The following BCORL1 variants were observed in gnomAD, a reference collection of about 807,000 sequenced individuals.
The protein encoded by BCORL1 is BCL6 corepressor like 1.
Under a neutral mutation model 87.6 loss-of-function variants are expected in BCORL1, and 7 were observed. The observed-to-expected ratio is 0.08, with a 90% CI of 0.05 to 0.15. The LOEUF (loss-of-function observed/expected upper bound fraction) is 0.15. BCORL1 is among the 10% of genes least tolerant of loss of function. The probability of loss-of-function intolerance (pLI) is 1.00; values close to 1 mark genes in which losing one functional copy is unlikely to be tolerated. For missense variants in BCORL1, 1,215 were observed against 1,499.7 expected, an observed-to-expected ratio of 0.81 and a Z score of 3.13; for synonymous variants, 591 against 634.4, an observed-to-expected ratio of 0.93 and a Z score of 1.03.
chrX:130,024,969 C>T, intron 6 of BCORL1, 21 bp from the exon 7 acceptor site: 1 of 1,203,503 alleles, frequency 8.3e-7, no homozygotes, highest in East Asian at 3.0e-5. Flanking sequence ...CCTGACCATC[C>T]TCTGTACATC....
chrX:130,025,070 G>A lies in BCORL1; in HGVS notation c.3769G>A (p.Glu1257Lys). The change falls in exon 7 of 14, where the codon GAG (glutamate) becomes AAG (lysine). Residue 1257 changes from glutamate (E) to lysine (K), a missense_variant. Glu to Lys is a moderately conservative substitution (Grantham distance 56). Coordinates refer to ENST00000540052, the MANE Select transcript of BCORL1 (RefSeq NM_001379451.1). ...QEVFPTEEEEEVTPTPAKRRK... is the reference protein window; with the variant it reads ...QEVFPTEEEEKVTPTPAKRRK... ...AGTCTTCCCCACAGAAGAAGAAGAG[G>A]AGGTAACCCCCACCCCAGCTAAGCG... The A allele has an allele frequency of 3.3e-6, 4 of 1,212,023 alleles. No individual in the cohort carries two copies. Among genetic ancestry groups the A allele is most frequent in the East Asian group, 5.9e-5 (2 of 33,863 alleles).
At chrX:129,985,348 T>TGGTA (rs1210258942) in intron 1 of BCORL1, among the ~76,000 whole-genome samples, 1 of 111,667 alleles carries the variant, frequency 9.0e-6, no homozygotes, top group Non-Finnish European at 1.9e-5. Context: ...TTGGGGAAGA[T>TGGTA]GGTAGATGGC....
chrX:130,044,540 G>A (rs1397950927), intron 11 of BCORL1, among the ~76,000 whole-genome samples: 1 of 107,955 alleles, frequency 9.3e-6, no homozygotes, highest in African/African-American at 3.4e-5. Context: ...ATGGAGTCTC[G>A]ATCTTGTCGC....
intron 4 of BCORL1, among the ~76,000 whole-genome samples, chrX:130,020,037 C>T (rs1394793820): frequency 1.8e-5 from 2 of 112,107 alleles, no homozygotes; most frequent in Non-Finnish European, 3.8e-5. Flanking sequence ...CTGAAGCAGC[C>T]GAGGAAGTGA....
intron 1 of BCORL1, among the ~76,000 whole-genome samples, chrX:130,004,145 G>A (rs933408032): frequency 2.7e-5 from 3 of 110,555 alleles, no homozygotes; most frequent in African/African-American, 6.6e-5. Flanking sequence ...ACTGTGCCCT[G>A]CTTGTCAAAG....
Position 130,020,965 on chromosome X carries a change from G to T in BCORL1, c.3442-20G>T. On this transcript the variant is annotated intron_variant, in intron 4 of 13. Coordinates refer to ENST00000540052, the MANE Select transcript of BCORL1 (RefSeq NM_001379451.1). Reference sequence around the variant, plus strand: ...AAGAAGCAAAACTGACCTCAGACCTGACCCTCTACCTCTCCACAGTGCCGG... The same window carrying T: ...AAGAAGCAAAACTGACCTCAGACCTTACCCTCTACCTCTCCACAGTGCCGG... 1 of 1,144,458 alleles carries T rather than the reference G, an allele frequency of 8.7e-7. No individual in the cohort carries two copies. The allele number at this position is 1,144,458 out of a possible 1,213,427, so 94.3% of individuals were successfully genotyped here.
At chrX:129,986,855 A>G (rs1366548637) in intron 1 of BCORL1, among the ~76,000 whole-genome samples, 3 of 111,701 alleles carry the variant, frequency 2.7e-5, no homozygotes, top group African/African-American at 9.8e-5. Context: ...ACAAAAAAAG[A>G]AAAAAGAAAA....
In BCORL1 at chrX:130,037,479, A is replaced by G. The variant is rs1270553119; in HGVS notation, c.4640A>G (p.Asn1547Ser). Residue 1547 changes from asparagine to serine, a missense_variant, in exon 10 of 14, where the codon AAC (asparagine) becomes AGC (serine). This residue lies in a region of BCORL1 where 55 missense variants were observed against 115.1 expected (regional missense o/e 0.48). Coordinates refer to ENST00000540052, the MANE Select transcript of BCORL1 (RefSeq NM_001379451.1). ...TCCCGGGGCTGGACCGACATCCTGA[A>G]CATCCTGCTGGAGCACGGGGCCAAC... ...ACSRGWTDIL[N>S]ILLEHGANVN... is the part of the protein sequence containing the mutation. 4 of 1,209,991 alleles carry G rather than the reference A, an allele frequency of 3.3e-6. No individual in the cohort carries two copies. Among genetic ancestry groups the G allele is most frequent in the Non-Finnish European group, 4.5e-6 (4 of 895,228 alleles).
intron 1 of BCORL1, among the ~76,000 whole-genome samples, chrX:129,988,362 G>C (rs772769097): frequency 9.0e-5 from 10 of 110,885 alleles, no homozygotes; most frequent in South Asian, 3.8e-4. Flanking sequence ...ATTTAACTCT[G>C]TGTTTCTATC....
At position 130,028,678 on chromosome X, in the gene BCORL1, G is replaced by A. The variant is rs757987520; in HGVS notation, c.4122G>A (p.Leu1374=). The change falls in exon 8 of 14, where the codon TTG becomes TTA. Residue 1374 remains leucine, a synonymous_variant. Transcript: ENST00000540052. ...AGAAGACTTCCTCCTCCCAAAGTTT[G>A]GAGCACCGCCTCAGGAACAGGAACC... ...RKQKTSSSQS[L]EHRLRNRNLL... 2 of 1,208,026 alleles carry A rather than the reference G, an allele frequency of 1.7e-6. No individual in the cohort carries two copies. Among genetic ancestry groups the A allele is most frequent in the Admixed American group, 2.2e-5 (1 of 45,315 alleles).
Position 130,034,464 on chromosome X carries a change from C to T in BCORL1, c.4315C>T (p.Arg1439Cys), listed in dbSNP as rs922181481. ...CATCTCTGCTTTCCAGGGCAAAGGT[C>T]GTTGGAGCCAGCAGAAGACACGATC... ...TVSEEAKGKG[R>C]WSQQKTRSPK... Residue 1439 changes from arginine to cysteine, a missense_variant, in exon 9 of 14, where the codon CGT (arginine) becomes TGT (cysteine). Around this residue, in one of 5 missense-constraint regions of BCORL1, gnomAD observed 166 missense variants for 196.5 expected, o/e 0.84. Transcript: ENST00000540052. The T allele has an allele frequency of 1.2e-5, 12 of 982,486 alleles. No individual in the cohort carries two copies. Among genetic ancestry groups the T allele is most frequent in the South Asian group, 2.0e-5 (1 of 50,530 alleles). 81.0% of individuals were successfully genotyped at this position (982,486 alleles called of 1,213,427 possible). A position where few individuals can be genotyped will look rare whatever the true frequency, so the allele number is the denominator to read the frequency against.
intron 4 of BCORL1, among the ~76,000 whole-genome samples, chrX:130,019,777 C>T (rs1929671401): frequency 8.9e-6 from 1 of 112,242 alleles, no homozygotes; most frequent in South Asian, 3.7e-4. Flanking sequence ...AAAAACAGCT[C>T]AAGCAAGTTT....
intron 2 of BCORL1, among the ~76,000 whole-genome samples, chrX:130,005,630 T>C (rs1406057314): frequency 9.0e-6 from 1 of 110,704 alleles, no homozygotes; most frequent in African/African-American, 3.3e-5. Context: ...TTTTTTTGTT[T>C]TTTGAGACAG....
chrX:130,043,772 ATATATATATATATTT>A lies in BCORL1; in HGVS notation c.4840+4492_4840+4506del, dbSNP rs1395198301. Among the ~76,000 whole-genome samples the A allele has an allele frequency of 4.7e-3, 93 of 19,972 alleles. 4 individuals are homozygous for A. The highest frequency in any genetic ancestry group is 0.015 in the Admixed American group (19 of 1,261). 17.3% of individuals were successfully genotyped at this position (19,972 alleles called of 115,157 possible). On this transcript the variant is annotated intron_variant, in intron 11 of 13. Transcript: ENST00000540052. The stretch of plus-strand genomic sequence containing the variant: ...TATATATATATATATATATATATAT[ATATATATATATATTT>A]TTTTTTTTTTTTTTTTTTGAGACGG...
At chrX:129,987,355 A>C (rs762945981) in intron 1 of BCORL1, among the ~76,000 whole-genome samples, 3 of 112,232 alleles carry the variant, frequency 2.7e-5, no homozygotes, top group Non-Finnish European at 3.8e-5. Flanking sequence ...CAAAGGAGGA[A>C]GATATTTACT....
chrX:130,001,411 G>A (rs1928039413), intron 1 of BCORL1, among the ~76,000 whole-genome samples: 1 of 112,191 alleles, frequency 8.9e-6, no homozygotes, highest in South Asian at 3.6e-4. Context: ...TCTTACCTTA[G>A]GTAGCTGATT....
intron 1 of BCORL1, among the ~76,000 whole-genome samples, chrX:129,996,942 C>T (rs1210697654): frequency 9.0e-6 from 1 of 111,493 alleles, no homozygotes; most frequent in Admixed American, 9.6e-5. Flanking sequence ...TTAAAAACCT[C>T]GTAAACAGTG....
At chrX:129,989,444 CTTTTTTTTTTTTTTTTTTTTT>C (rs55654985) in intron 1 of BCORL1, among the ~76,000 whole-genome samples, 13 of 17,776 alleles carry the variant, frequency 7.3e-4, no homozygotes, top group African/African-American at 1.5e-3. Flanking sequence ...CCGCACCCGT[CTTTTTTTTTTTTTTTTTTTTT>C]TTTTTTTTTT....
At chrX:130,000,913 T>C (rs1259775163) in intron 1 of BCORL1, among the ~76,000 whole-genome samples, 2 of 109,556 alleles carry the variant, frequency 1.8e-5, no homozygotes, top group African/African-American at 6.7e-5. Flanking sequence ...TGTGTGTGTG[T>C]GTGTGTGTGT....
Sources: allele counts gnomAD v4.1 joint callset (sites outside exome capture counted in the v4.1 genomes callset), GRCh38; gene constraint gnomAD v4.1.1; regional missense constraint gnomAD v4.1.1; transcripts MANE v1.5; gene names NCBI Gene and HGNC (gene_info 2026-07-23, HGNC 2026-07-21).